The following ROBO1 variants were observed in gnomAD, a reference collection of about 807,000 sequenced individuals.
ROBO1 encodes roundabout homolog 1.
A neutral mutation model predicts 195.9 loss-of-function variants in ROBO1; 149 were observed. That is an observed-to-expected ratio of 0.76 (90% confidence interval 0.67 to 0.87). The LOEUF (loss-of-function observed/expected upper bound fraction) is 0.87, where lower values mean the gene tolerates loss of function less well. Ranked by LOEUF, ROBO1 falls within the 40% of genes least tolerant of loss-of-function variation. The pLI is 0.00. For synonymous variants in ROBO1, 816 were observed against 733.2 expected, an observed-to-expected ratio of 1.11 and a Z score of -1.82; for missense variants, 1,933 against 2,068.3, an observed-to-expected ratio of 0.93 and a Z score of 1.27.
At chr3:78,910,963 C>G (rs1426172126) in intron 4 of ROBO1, among the ~76,000 whole-genome samples, 1 of 151,944 alleles carries the variant, frequency 6.6e-6, no homozygotes, top group African/African-American at 2.4e-5. Flanking sequence ...TGAGGCCTAG[C>G]AATCTAGGTT....
chr3:79,060,174 G>T (rs2078889118), intron 3 of ROBO1, among the ~76,000 whole-genome samples: 1 of 151,956 alleles, frequency 6.6e-6, no homozygotes, highest in Non-Finnish European at 1.5e-5. Flanking sequence ...ATTCCAGCCT[G>T]GTGAAATTTT....
intron 2 of ROBO1, among the ~76,000 whole-genome samples, chr3:79,485,903 C>T (rs1376386806): frequency 6.6e-6 from 1 of 152,172 alleles, no homozygotes; most frequent in Non-Finnish European, 1.5e-5. Flanking sequence ...GTCTGTTTCC[C>T]ATGTCCCATA....
At chr3:78,949,111 A>G (rs1452802205) in intron 3 of ROBO1, among the ~76,000 whole-genome samples, 2 of 142,060 alleles carry the variant, frequency 1.4e-5, no homozygotes, top group East Asian at 4.0e-4. Flanking sequence ...ATTCAATGCC[A>G]TCCCCATCAA....
chr3:78,644,888 G>C (rs2107587027), intron 21 of ROBO1, among the ~76,000 whole-genome samples: 1 of 152,282 alleles, frequency 6.6e-6, no homozygotes, highest in South Asian at 2.1e-4. Context: ...TGATTAGTGA[G>C]GAGGTTGAAA....
chr3:78,854,571 T>C (rs2034293500), intron 4 of ROBO1, among the ~76,000 whole-genome samples: 1 of 150,500 alleles, frequency 6.6e-6, no homozygotes, highest in African/African-American at 2.5e-5. Flanking sequence ...TAATACATTT[T>C]AACTTCTTCT....
chr3:78,891,519 T>C (rs944970779), intron 4 of ROBO1, among the ~76,000 whole-genome samples: 2 of 152,188 alleles, frequency 1.3e-5, no homozygotes, highest in African/African-American at 2.4e-5. Context: ...ACAATCACTT[T>C]GGAAAACTGT....
chr3:78,981,561 C>A (rs2076990648), intron 3 of ROBO1, among the ~76,000 whole-genome samples: 1 of 152,124 alleles, frequency 6.6e-6, no homozygotes, highest in South Asian at 2.1e-4. Context: ...TCCAAAACTT[C>A]TCTTAATCTT....
rs765833768 is a variant in ROBO1, at chr3:78,617,723, G to T, written c.4194C>A (p.Phe1398Leu). ...CTGCCTGGGCAAAGTCAGCATCAGT[G>T]AAAAAGGAGCCGTCCGAAGAACTAA... ...SSVSSSDGSFFTDADFAQAVA... is the reference protein window; with the variant it reads ...SSVSSSDGSFLTDADFAQAVA... Residue 1398 changes from phenylalanine (F) to leucine (L), a missense_variant, in exon 27 of 31, where the codon TTC becomes TTA. By Grantham distance (22) the Phe-to-Leu change is conservative (BLOSUM62 0). Transcript: ENST00000464233. 2.0e-5 allele frequency: 33 copies of T among 1,613,812 alleles called. No homozygotes were observed. The highest frequency in any genetic ancestry group is 2.6e-5 in the Non-Finnish European group (31 of 1,179,874).
chr3:79,232,399 A>G (rs941820688), intron 2 of ROBO1, among the ~76,000 whole-genome samples: 3 of 151,440 alleles, frequency 2.0e-5, no homozygotes, highest in African/African-American at 7.3e-5. Flanking sequence ...GAGTCGATCC[A>G]GGAGATCTAA....
At chr3:78,967,869 G>A (rs1466346437) in intron 3 of ROBO1, among the ~76,000 whole-genome samples, 11 of 152,226 alleles carry the variant, frequency 7.2e-5, no homozygotes, top group Non-Finnish European at 8.8e-5. Flanking sequence ...AAGGCAAAGA[G>A]AAATATTTTC....
At chr3:79,741,406 T>G (rs1439895920) in intron 1 of ROBO1, among the ~76,000 whole-genome samples, 1 of 152,172 alleles carries the variant, frequency 6.6e-6, no homozygotes, top group Non-Finnish European at 1.5e-5. Flanking sequence ...TTTTTTTAGC[T>G]TTGATCCCAA....
intron 2 of ROBO1, among the ~76,000 whole-genome samples, chr3:79,559,127 C>T (rs1025576061): frequency 6.6e-6 from 1 of 152,120 alleles, no homozygotes; most frequent in Non-Finnish European, 1.5e-5. Flanking sequence ...GGAAATGCCT[C>T]GTCACACCAT....
At chr3:79,534,773 C>A (rs1269556034) in intron 2 of ROBO1, among the ~76,000 whole-genome samples, 6 of 152,112 alleles carry the variant, frequency 3.9e-5, no homozygotes, top group African/African-American at 1.4e-4. Context: ...AAAAATTAAG[C>A]CTCCTAGATT....
rs59970776 is a variant in ROBO1, at chr3:79,208,687, A to ATGTGTGTG, written c.89-83156_89-83149dup. Among the ~76,000 whole-genome samples, 347 of 145,302 alleles carry ATGTGTGTG rather than the reference A, an allele frequency of 2.4e-3. 2 individuals are homozygous for ATGTGTGTG. Among genetic ancestry groups the ATGTGTGTG allele is most frequent in the African/African-American group, 7.9e-3 (314 of 39,506 alleles). ...TTGTTGTTGGTCGTGGTGGTGGGGC[A>ATGTGTGTG]TGTGTGTGTGTGTGTGTGTGTGTGT... is the stretch of plus-strand genomic sequence containing the variant. On this transcript the variant is annotated intron_variant, in intron 2 of 30. Coordinates refer to ENST00000464233, the MANE Select transcript of ROBO1 (RefSeq NM_002941.4).
intron 2 of ROBO1, among the ~76,000 whole-genome samples, chr3:79,267,009 T>C (rs920937721): frequency 7.9e-5 from 12 of 151,528 alleles, no homozygotes; most frequent in African/African-American, 2.2e-4. Flanking sequence ...TTGGTGTTAG[T>C]AGAGAAATAT....
chr3:79,725,115 C>T (rs371128362), intron 1 of ROBO1, among the ~76,000 whole-genome samples: 36 of 152,248 alleles, frequency 2.4e-4, no homozygotes, highest in African/African-American at 8.2e-4. Flanking sequence ...TGGTGTTTGG[C>T]CCAGACTTTG....
At chr3:78,889,727 A>T in intron 4 of ROBO1, among the ~76,000 whole-genome samples, 1 of 151,978 alleles carries the variant, frequency 6.6e-6, no homozygotes, top group Admixed American at 6.6e-5. Flanking sequence ...AAAAAAAAAA[A>T]ACGAGTGGGG....
At chr3:78,835,395 C>T (rs558428371) in intron 4 of ROBO1, among the ~76,000 whole-genome samples, 1 of 152,256 alleles carries the variant, frequency 6.6e-6, no homozygotes, top group South Asian at 2.1e-4. Context: ...GCAGACAAGA[C>T]ACCTGAACAT....
intron 3 of ROBO1, among the ~76,000 whole-genome samples, chr3:78,960,083 T>C (rs1302340949): frequency 6.6e-6 from 1 of 152,072 alleles, no homozygotes; most frequent in Non-Finnish European, 1.5e-5. Flanking sequence ...GAGGATTACT[T>C]GAGGCCAGGA....
Sources: gnomAD v4.1 joint callset for allele counts (sites outside exome capture counted in the v4.1 genomes callset) on GRCh38, gnomAD v4.1.1 for gene constraint, MANE v1.5 for transcripts, NCBI Gene and HGNC (gene_info 2026-07-23, HGNC 2026-07-21) for gene names.